The following PLCE1 variants were observed in gnomAD, a reference collection of about 807,000 sequenced individuals.
The protein encoded by PLCE1 is phospholipase C epsilon 1.
In PLCE1, 119 loss-of-function variants were observed where a neutral mutation model predicts 242.8. The ratio of observed to expected loss-of-function variants is 0.49; its 90% confidence interval spans 0.42 to 0.57. The LOEUF is 0.57. Among genes scored for constraint, PLCE1 ranks in the 20% least tolerant of loss-of-function variants. The pLI, the probability that PLCE1 is intolerant of heterozygous loss-of-function variation, is 0.00. For missense variants in PLCE1, 2,441 were observed against 2,788.8 expected, an observed-to-expected ratio of 0.88 and a Z score of 2.81; for synonymous variants, 945 against 1,017.4, an observed-to-expected ratio of 0.93 and a Z score of 1.35.
chr10:94,040,515 C>T (rs896828301), intron 2 of PLCE1, among the ~76,000 whole-genome samples: 3 of 152,168 alleles, frequency 2.0e-5, no homozygotes, highest in African/African-American at 7.2e-5. Flanking sequence ...CTCCGTTATG[C>T]ACAGGTACAA....
chr10:94,236,989 A>T (rs375472842), intron 7 of PLCE1, among the ~76,000 whole-genome samples: 1 of 152,246 alleles, frequency 6.6e-6, no homozygotes, highest in Non-Finnish European at 1.5e-5. Context: ...AAAATAAAAC[A>T]TACAAAAATG....
intron 4 of PLCE1, among the ~76,000 whole-genome samples, chr10:94,179,165 C>G (rs998542708): frequency 1.3e-5 from 2 of 152,232 alleles, no homozygotes; most frequent in East Asian, 1.9e-4. Context: ...ATATTTTACT[C>G]CAGAAATTTC....
At chr10:94,170,683 T>C (rs886951697) in intron 3 of PLCE1, among the ~76,000 whole-genome samples, 8 of 152,204 alleles carry the variant, frequency 5.3e-5, no homozygotes, top group Non-Finnish European at 4.4e-5. Context: ...TACCATGACA[T>C]TTTGAAACCT....
intron 2 of PLCE1, among the ~76,000 whole-genome samples, chr10:94,119,653 G>A (rs1213835634): frequency 6.6e-6 from 1 of 152,068 alleles, no homozygotes; most frequent in Non-Finnish European, 1.5e-5. Flanking sequence ...AACCTTCCAT[G>A]GCCTCCTAAG....
chr10:94,151,282 G>A (rs2047266329), intron 3 of PLCE1, among the ~76,000 whole-genome samples: 1 of 152,168 alleles, frequency 6.6e-6, no homozygotes, highest in Non-Finnish European at 1.5e-5. Flanking sequence ...GTCTTTCACA[G>A]CATAGGACAA....
intron 13 of PLCE1, among the ~76,000 whole-genome samples, chr10:94,260,855 G>C (rs1360138057): frequency 9.9e-5 from 15 of 151,918 alleles, no homozygotes. Context: ...AGCAATTTTA[G>C]GTTTATGGAA....
intron 2 of PLCE1, among the ~76,000 whole-genome samples, chr10:94,078,857 A>G (rs945925614): frequency 6.6e-6 from 1 of 152,178 alleles, no homozygotes. Flanking sequence ...AGCAAACATT[A>G]CCAAATCTGA....
intron 9 of PLCE1, among the ~76,000 whole-genome samples, chr10:94,252,911 A>G: frequency 6.6e-6 from 1 of 152,178 alleles, no homozygotes; most frequent in Admixed American, 6.6e-5. Context: ...AGGAGACAGC[A>G]TAGAGGCATA....
At chr10:94,047,381 G>A (rs554441305) in intron 2 of PLCE1, among the ~76,000 whole-genome samples, 35 of 152,250 alleles carry the variant, frequency 2.3e-4, no homozygotes, top group African/African-American at 8.2e-4. Flanking sequence ...TAAGAAAATT[G>A]ACCACCGTTT....
intron 23 of PLCE1, among the ~76,000 whole-genome samples, chr10:94,297,302 G>C (rs1415868325): frequency 6.6e-6 from 1 of 152,078 alleles, no homozygotes; most frequent in East Asian, 1.9e-4. Context: ...AGGAGAGGGA[G>C]GGAGATGGGT....
intron 3 of PLCE1, among the ~76,000 whole-genome samples, chr10:94,135,830 G>A (rs896119070): frequency 9.9e-5 from 15 of 152,208 alleles, no homozygotes; most frequent in Admixed American, 1.3e-4. Context: ...TTTCGAAAAG[G>A]AGTTTTAGCC....
Position 94,031,143 on chromosome 10 carries a change from G to T in PLCE1, c.97G>T (p.Val33Phe). 1 of 1,613,868 alleles carries T rather than the reference G, an allele frequency of 6.2e-7. No homozygotes were observed. Among genetic ancestry groups the T allele is most frequent in the South Asian group, 1.1e-5 (1 of 91,072 alleles). Residue 33 changes from valine to phenylalanine, a missense_variant, in exon 2 of 33, where the codon GTC becomes TTC. Physicochemically the swap from Val to Phe is conservative, Grantham distance 50. Coordinates refer to ENST00000371380, the MANE Select transcript of PLCE1 (RefSeq NM_016341.4). ...GGCTGCAGATGAAAGTAGTGAAAAG[G>T]TCTCAGACATCAATATTTCAAAAGC... ...QSAADESSEK[V>F]SDINISKAHT...
intron 28 of PLCE1, among the ~76,000 whole-genome samples, chr10:94,314,580 T>G (rs181195042): frequency 6.6e-6 from 1 of 150,988 alleles, no homozygotes; most frequent in African/African-American, 2.5e-5. Flanking sequence ...GGTGACAGAG[T>G]GAGACTCTGT....
intron 23 of PLCE1, among the ~76,000 whole-genome samples, chr10:94,296,330 C>T (rs1473589592): frequency 6.8e-6 from 1 of 146,292 alleles, no homozygotes; most frequent in Non-Finnish European, 1.5e-5. Flanking sequence ...CGCACCACTG[C>T]ACTCCAACTT....
chr10:94,205,455 A>G (rs114686856), intron 4 of PLCE1, among the ~76,000 whole-genome samples: 8 of 152,388 alleles, frequency 5.2e-5, no homozygotes, highest in African/African-American at 1.9e-4. Context: ...GCATGTGAAT[A>G]AAAGAAAGTT....
At chr10:94,255,082 C>A (rs769319698) in intron 11 of PLCE1, 33 bp downstream of exon 11, 4 of 1,608,386 alleles carry the variant, frequency 2.5e-6, no homozygotes, top group Admixed American at 3.3e-5. Context: ...CAGAAGGACC[C>A]TTCACATTAT....
chr10:94,055,409 G>A (rs1031553087), intron 2 of PLCE1, among the ~76,000 whole-genome samples: 1 of 151,196 alleles, frequency 6.6e-6, no homozygotes, highest in Non-Finnish European at 1.5e-5. Flanking sequence ...CCCACCCCCC[G>A]GGTTCAAGTG....
chr10:94,322,190 C>A (rs572235861), intron 30 of PLCE1, 131 bp downstream of exon 30: 643 of 857,894 alleles, frequency 7.5e-4, no homozygotes, highest in Non-Finnish European at 1.1e-3. Flanking sequence ...GGAGTGTGTG[C>A]CTCTTAAGGC....
At chr10:94,218,022 G>C (rs1842402346) in intron 4 of PLCE1, among the ~76,000 whole-genome samples, 2 of 151,500 alleles carry the variant, frequency 1.3e-5, no homozygotes, top group South Asian at 4.2e-4. Flanking sequence ...GTCACTATAA[G>C]TCTAAAAGAG....
Sources: gnomAD v4.1 joint callset for allele counts (sites outside exome capture counted in the v4.1 genomes callset) on GRCh38, gnomAD v4.1.1 for gene constraint, MANE v1.5 for transcripts, NCBI Gene and HGNC (gene_info 2026-07-23, HGNC 2026-07-21) for gene names.